The following SPAM1 variants were observed in gnomAD, a reference collection of about 807,000 sequenced individuals.
The protein encoded by SPAM1 is hyaluronidase PH-20.
In SPAM1, 22 loss-of-function variants were observed where a neutral mutation model predicts 29.6. That is an observed-to-expected ratio of 0.74 (90% CI 0.53 to 1.06). The LOEUF is 1.06. Among genes scored for constraint, SPAM1 ranks in the 50% least tolerant of loss-of-function variants. SPAM1 has a pLI of 0.00. For synonymous variants in SPAM1, 194 were observed against 204.6 expected (o/e 0.95, Z 0.44); for missense variants, 534 against 604.0 (o/e 0.88, Z 1.21).
At chr7:123,947,906 A>C (rs1343392108) in intron 1 of SPAM1, 1 of 152,154 alleles carries the variant, frequency 6.6e-6, no homozygotes, top group East Asian at 1.9e-4. Flanking sequence ...CTTCAGCCTC[A>C]AGAATCTCTG....
intron 1 of SPAM1, among the ~76,000 whole-genome samples, chr7:123,934,830 G>A (rs1035446655): frequency 6.6e-6 from 1 of 152,130 alleles, no homozygotes; most frequent in Non-Finnish European, 1.5e-5. Flanking sequence ...CTAGAAGCTG[G>A]GAAGAGGAGG....
intron 5 of SPAM1, among the ~76,000 whole-genome samples, chr7:123,967,561 A>G (rs566359595): frequency 1.3e-5 from 2 of 151,910 alleles, no homozygotes; most frequent in Admixed American, 6.6e-5. Flanking sequence ...CCAATATAGT[A>G]TTTGTGAAAC....
At chr7:123,954,893 A>C (rs371404212) in intron 3 of SPAM1, 104 bp from the exon 4 acceptor site, 2 of 739,976 alleles carry the variant, frequency 2.7e-6, no homozygotes, top group East Asian at 2.6e-5. Flanking sequence ...GAAATATTAA[A>C]ATTATTATTA....
At chr7:123,934,860 T>C (rs939572026) in intron 1 of SPAM1, among the ~76,000 whole-genome samples, 3 of 151,880 alleles carry the variant, frequency 2.0e-5, no homozygotes, top group Non-Finnish European at 4.4e-5. Context: ...TAGGCAGAGG[T>C]TGGTAAATGG....
chr7:123,936,191 A>G (rs895647902), intron 1 of SPAM1, among the ~76,000 whole-genome samples: 16 of 152,220 alleles, frequency 1.1e-4, no homozygotes, highest in Non-Finnish European at 5.9e-5. Flanking sequence ...GCAGCAGAGA[A>G]AGAGTTTATT....
intron 1 of SPAM1, among the ~76,000 whole-genome samples, chr7:123,936,204 T>C (rs1808240768): frequency 6.6e-6 from 1 of 152,228 alleles, no homozygotes; most frequent in African/African-American, 2.4e-5. Context: ...AGTTTATTGA[T>C]TGCAGGGCAG....
At position 123,953,609 on chromosome 7, in the gene SPAM1, C is replaced by A; in HGVS notation, c.39C>A (p.Ser13Arg). The A allele has an allele frequency of 6.3e-7, 1 of 1,599,184 alleles. No homozygotes were observed. Among genetic ancestry groups the A allele is most frequent in the Non-Finnish European group, 8.5e-7 (1 of 1,175,472 alleles). ...VLKFKHIFFRSFVKSSGVSQI... is the reference protein window; with the variant it reads ...VLKFKHIFFRRFVKSSGVSQI... ...AATTCAAGCACATCTTTTTCAGAAG[C>A]TTTGTTAAATCAAGTGGAGTATCCC... Residue 13 changes from serine to arginine, a missense_variant, in exon 3 of 5, where the codon AGC (serine) becomes AGA (arginine). Physicochemically the swap from Ser to Arg is moderately radical, Grantham distance 110 (BLOSUM62 -1). Coordinates refer to ENST00000682466, the MANE Select transcript of SPAM1 (RefSeq NM_153189.3).
intron 1 of SPAM1, among the ~76,000 whole-genome samples, chr7:123,945,534 AT>A (rs1160904229): frequency 3.9e-5 from 6 of 152,186 alleles, no homozygotes; most frequent in African/African-American, 1.4e-4. Flanking sequence ...AGGTCAGGTT[AT>A]GCAAATACAG....
chr7:123,934,560 C>A (rs1327878784), intron 1 of SPAM1, among the ~76,000 whole-genome samples: 1 of 152,122 alleles, frequency 6.6e-6, no homozygotes, highest in Admixed American at 6.5e-5. Flanking sequence ...TGTGACACTA[C>A]TCACAACAGC....
At chr7:123,966,849 T>C (rs1004592374) in intron 5 of SPAM1, among the ~76,000 whole-genome samples, 5 of 151,990 alleles carry the variant, frequency 3.3e-5, no homozygotes, top group African/African-American at 1.2e-4. Context: ...CAAACAACCA[T>C]GGCACACATC....
At chr7:123,927,382 A>C (rs796669224) in intron 1 of SPAM1, among the ~76,000 whole-genome samples, 12 of 152,320 alleles carry the variant, frequency 7.9e-5, no homozygotes, top group African/African-American at 2.9e-4. Flanking sequence ...CAATGGCTCC[A>C]AGAGCTAGGA....
intron 1 of SPAM1, among the ~76,000 whole-genome samples, chr7:123,943,234 A>T (rs1808480863): frequency 1.3e-5 from 2 of 152,158 alleles, no homozygotes; most frequent in South Asian, 4.1e-4. Flanking sequence ...TCTCTTTAAG[A>T]ATCTTGGAAG....
At chr7:123,960,183 A>G, downstream of SPAM1, 1 of 586,226 alleles carries the variant, frequency 1.7e-6, no homozygotes, top group South Asian at 3.4e-5. Context: ...TTTGTATTCC[A>G]GGAGTCAATA....
rs183425723 is a variant in SPAM1, at chr7:123,957,323, A to G, written c.1045-2161A>G. Among the ~76,000 whole-genome samples, 52 of 152,130 alleles carry G rather than the reference A, an allele frequency of 3.4e-4. No individual in the cohort carries two copies. The East Asian group carries it at 9.1e-3, about 27-fold the overall frequency. ...CAAGATGAAGTCAATTGTGTTAAAA[A>G]TTAGAGGAAAGACCATTCCAAGCAG... On this transcript the variant is annotated intron_variant, in intron 4 of 4. Coordinates refer to ENST00000682466, the MANE Select transcript of SPAM1 (RefSeq NM_153189.3).
At chr7:123,970,287 T>C (rs1477416041) in exon 6 of SPAM1, 19 of 1,545,452 alleles carry the variant, frequency 1.2e-5, no homozygotes, top group African/African-American at 6.9e-5. Flanking sequence ...CCTCTTCCCT[T>C]GGCTTACAGG....
intron 1 of SPAM1, among the ~76,000 whole-genome samples, chr7:123,947,173 C>T (rs1181863541): frequency 6.6e-6 from 1 of 151,854 alleles, no homozygotes; most frequent in Non-Finnish European, 1.5e-5. Flanking sequence ...ATAATAAATG[C>T]TGTATTTTCT....
At chr7:123,942,167 T>A (rs913363169) in intron 1 of SPAM1, among the ~76,000 whole-genome samples, 21 of 152,178 alleles carry the variant, frequency 1.4e-4, no homozygotes. Context: ...TAATTTTTAG[T>A]GATTTCAAAT....
At chr7:123,941,568 G>T (rs1021261052) in intron 1 of SPAM1, among the ~76,000 whole-genome samples, 1 of 152,198 alleles carries the variant, frequency 6.6e-6, no homozygotes, top group Non-Finnish European at 1.5e-5. Context: ...GTGAGCCTCA[G>T]TGGGCTGACT....
chr7:123,950,325 A>G (rs1185504386), intron 2 of SPAM1, among the ~76,000 whole-genome samples: 1 of 152,110 alleles, frequency 6.6e-6, no homozygotes, highest in South Asian at 2.1e-4. Context: ...AATATATTGC[A>G]TAATGGTAGG....
Sources: gnomAD v4.1 joint callset for allele counts (sites outside exome capture counted in the v4.1 genomes callset) on GRCh38, gnomAD v4.1.1 for gene constraint, MANE v1.5 for transcripts, NCBI Gene and HGNC (gene_info 2026-07-23, HGNC 2026-07-21) for gene names.